The following B3GALT1 variants were observed in gnomAD, a reference collection of about 807,000 sequenced individuals.
B3GALT1 encodes beta-1,3-galactosyltransferase 1, also known as UDP-Gal:betaGlcNAc beta 1,3-galactosyltransferase, polypeptide 1.
A neutral mutation model predicts 23.2 loss-of-function variants in B3GALT1; 10 were observed. The observed-to-expected ratio is 0.43, with a 90% CI of 0.27 to 0.73. B3GALT1 has a LOEUF of 0.73. Among genes scored for constraint, B3GALT1 ranks in the 30% least tolerant of loss-of-function variants. The pLI is 0.21. For missense variants in B3GALT1, 299 were observed against 405.4 expected, an observed-to-expected ratio of 0.74 and a Z score of 2.25; for synonymous variants, 156 against 141.5, an observed-to-expected ratio of 1.10 and a Z score of -0.73.
chr2:167,698,481 G>C (rs1042396833), intron 3 of B3GALT1, among the ~76,000 whole-genome samples: 43 of 152,104 alleles, frequency 2.8e-4, no homozygotes, highest in African/African-American at 1.0e-3. Flanking sequence ...AAATGATCAC[G>C]GCAATTCAAA....
At chr2:167,555,214 T>C (rs1252781434) in intron 2 of B3GALT1, among the ~76,000 whole-genome samples, 1 of 152,184 alleles carries the variant, frequency 6.6e-6, no homozygotes, top group Non-Finnish European at 1.5e-5. Context: ...GAATAGACAG[T>C]TATTGAATGC....
intron 3 of B3GALT1, among the ~76,000 whole-genome samples, chr2:167,722,703 C>G (rs1401660475): frequency 6.6e-6 from 1 of 152,116 alleles, no homozygotes; most frequent in Non-Finnish European, 1.5e-5. Flanking sequence ...GAGCTTTATT[C>G]CACTGCCCTG....
chr2:167,698,244 T>G (rs1228957800), intron 3 of B3GALT1, among the ~76,000 whole-genome samples: 2 of 152,172 alleles, frequency 1.3e-5, no homozygotes, highest in Non-Finnish European at 2.9e-5. Context: ...CAACTCAAGG[T>G]TGTGGTTGGA....
intron 1 of B3GALT1, among the ~76,000 whole-genome samples, chr2:167,298,664 G>T (rs1295006230): frequency 6.6e-6 from 1 of 151,948 alleles, no homozygotes; most frequent in Non-Finnish European, 1.5e-5. Flanking sequence ...TGCTAAAATA[G>T]GATTTCTTAT....
In B3GALT1 at chr2:167,388,143, A is replaced by C. The variant is rs73021733; in HGVS notation, c.-511+94809A>C. 3.2e-3 allele frequency among the ~76,000 whole-genome samples: 494 copies of C among 152,304 alleles called. 3 individuals are homozygous for C. Among genetic ancestry groups the C allele is most frequent in the African/African-American group, 0.012 (484 of 41,572 alleles). The stretch of plus-strand genomic sequence containing the variant: ...GACCTTCGGAGGCATTAGAATACTA[A>C]ATCCTGCATTTATTGGGAGATGTAA... On this transcript the variant is annotated intron_variant, in intron 1 of 4. Transcript: ENST00000392690.
chr2:167,698,365 A>T (rs1339077510), intron 3 of B3GALT1, among the ~76,000 whole-genome samples: 1 of 152,202 alleles, frequency 6.6e-6, no homozygotes, highest in Non-Finnish European at 1.5e-5. Context: ...TTTTAAGATC[A>T]TCTCCTTCCT....
intron 3 of B3GALT1, among the ~76,000 whole-genome samples, chr2:167,663,149 C>G (rs1318937907): frequency 1.4e-5 from 2 of 138,430 alleles, no homozygotes; most frequent in East Asian, 4.5e-4. Flanking sequence ...GTGATGTTCC[C>G]CTTCCTGTGT....
intron 2 of B3GALT1, among the ~76,000 whole-genome samples, chr2:167,607,132 T>A (rs1267196256): frequency 6.6e-6 from 1 of 152,126 alleles, no homozygotes; most frequent in Admixed American, 6.6e-5. Context: ...GAAAACAGAT[T>A]ATTTGAAGAT....
At chr2:167,792,730 A>G (rs190247643) in intron 3 of B3GALT1, among the ~76,000 whole-genome samples, 63 of 152,298 alleles carry the variant, frequency 4.1e-4, no homozygotes, top group Non-Finnish European at 8.1e-4. Context: ...TCCCTTCTGG[A>G]AAGGATATTA....
At chr2:167,690,845 C>G (rs1277040183) in intron 3 of B3GALT1, among the ~76,000 whole-genome samples, 1 of 152,068 alleles carries the variant, frequency 6.6e-6, no homozygotes, top group Non-Finnish European at 1.5e-5. Context: ...TTTCATTGTT[C>G]TCTTCCCTTT....
chr2:167,667,539 A>G (rs571806837), intron 3 of B3GALT1, among the ~76,000 whole-genome samples: 235 of 152,292 alleles, frequency 1.5e-3, no homozygotes, highest in South Asian at 2.3e-3. Flanking sequence ...AATATCCTGC[A>G]GAGTGTTTTC....
intron 1 of B3GALT1, among the ~76,000 whole-genome samples, chr2:167,344,437 G>C (rs1697197592): frequency 6.6e-6 from 1 of 151,902 alleles, no homozygotes; most frequent in South Asian, 2.1e-4. Flanking sequence ...CCTTCTTATG[G>C]TAATCAAACA....
At chr2:167,564,486 C>T (rs368360710) in intron 2 of B3GALT1, among the ~76,000 whole-genome samples, 52 of 152,306 alleles carry the variant, frequency 3.4e-4, no homozygotes, top group African/African-American at 1.1e-3. Flanking sequence ...GCTGCAATCT[C>T]GGCACCCTGG....
At chr2:167,396,872 C>T (rs917536490) in intron 1 of B3GALT1, among the ~76,000 whole-genome samples, 18 of 151,938 alleles carry the variant, frequency 1.2e-4, no homozygotes, top group African/African-American at 3.6e-4. Context: ...TATTACCAAG[C>T]GAAGAAGGTC....
At chr2:167,385,059 G>A (rs949917490) in intron 1 of B3GALT1, among the ~76,000 whole-genome samples, 4 of 152,072 alleles carry the variant, frequency 2.6e-5, no homozygotes, top group Non-Finnish European at 5.9e-5. Context: ...ACAGTCAGGT[G>A]CAGAGGAAGA....
chr2:167,795,261 G>T (rs1187688532), intron 3 of B3GALT1, among the ~76,000 whole-genome samples: 2 of 152,152 alleles, frequency 1.3e-5, no homozygotes, highest in Non-Finnish European at 2.9e-5. Flanking sequence ...AAACTCTAAG[G>T]CAAGACAGAA....
At chr2:167,604,431 T>G (rs1377381530) in intron 2 of B3GALT1, among the ~76,000 whole-genome samples, 1 of 152,250 alleles carries the variant, frequency 6.6e-6, no homozygotes, top group Non-Finnish European at 1.5e-5. Context: ...CTGTCACCTC[T>G]GTAAGGAAAT....
intron 1 of B3GALT1, among the ~76,000 whole-genome samples, chr2:167,319,271 A>G (rs1213409525): frequency 1.3e-5 from 2 of 152,100 alleles, no homozygotes; most frequent in African/African-American, 4.8e-5. Context: ...CTCTAAACAT[A>G]TAAGGGAGCT....
intron 3 of B3GALT1, among the ~76,000 whole-genome samples, chr2:167,769,026 G>A (rs918270895): frequency 1.3e-5 from 2 of 152,018 alleles, no homozygotes; most frequent in Non-Finnish European, 2.9e-5. Context: ...ACCTTTAAAG[G>A]ACTAACATAA....
Sources: gnomAD v4.1 joint callset for allele counts (sites outside exome capture counted in the v4.1 genomes callset) on GRCh38, gnomAD v4.1.1 for gene constraint, MANE v1.5 for transcripts, NCBI Gene and HGNC (gene_info 2026-07-23, HGNC 2026-07-21) for gene names.